Variants in TDRD5 observed in about 807,000 individuals in gnomAD.
TDRD5 encodes tudor domain containing 5.
In TDRD5, 41 loss-of-function variants were observed where a neutral mutation model predicts 120.6. The ratio of observed to expected loss-of-function variants is 0.34; its 90% CI spans 0.26 to 0.44. The LOEUF is 0.44. Ranked by LOEUF, TDRD5 falls within the 20% of genes least tolerant of loss-of-function variation. TDRD5 has a pLI of 1.00. For missense variants in TDRD5, 1,006 were observed against 1,221.2 expected, an observed-to-expected ratio of 0.82 and a Z score of 2.63; for synonymous variants, 430 against 433.7, an observed-to-expected ratio of 0.99 and a Z score of 0.11.
chr1:179,662,427 C>A, intron 15 of TDRD5, 141 bp downstream of exon 15: 1 of 799,306 alleles, frequency 1.3e-6, no homozygotes, highest in Non-Finnish European at 1.8e-6. Flanking sequence ...ATGGTGAGAC[C>A]CTGTCTCTAC....
At chr1:179,640,334 A>T in intron 10 of TDRD5, 45 bp from the exon 11 acceptor site, 1 of 1,602,488 alleles carries the variant, frequency 6.2e-7, no homozygotes, top group Non-Finnish European at 8.5e-7. Context: ...GTGCATTTAT[A>T]TATAGCAGGA....
At chr1:179,610,006 G>A (rs1205032744) in intron 4 of TDRD5, among the ~76,000 whole-genome samples, 1 of 152,064 alleles carries the variant, frequency 6.6e-6, no homozygotes, top group East Asian at 1.9e-4. Context: ...ACCATATCCT[G>A]AAAGCTCTCC....
At chr1:179,607,898 T>C (rs543305003) in intron 4 of TDRD5, among the ~76,000 whole-genome samples, 34 of 152,176 alleles carry the variant, frequency 2.2e-4, no homozygotes, top group African/African-American at 7.0e-4. Context: ...CTCCAATTCT[T>C]TCTGTTTAAA....
intron 17 of TDRD5, among the ~76,000 whole-genome samples, chr1:179,679,172 AT>A (rs1190774867): frequency 6.6e-6 from 1 of 152,040 alleles, no homozygotes; most frequent in African/African-American, 2.4e-5. Flanking sequence ...AATTATATCG[AT>A]TTTCAAATAT....
chr1:179,672,198 C>T (rs890588017), intron 17 of TDRD5, among the ~76,000 whole-genome samples: 4 of 152,110 alleles, frequency 2.6e-5, no homozygotes, highest in African/African-American at 9.7e-5. Flanking sequence ...ACACTGTTTT[C>T]CATAGTGGTT....
At chr1:179,658,958 T>C (rs1315909210) in intron 14 of TDRD5, among the ~76,000 whole-genome samples, 1 of 152,218 alleles carries the variant, frequency 6.6e-6, no homozygotes, top group Admixed American at 6.5e-5. Flanking sequence ...TGTATTTTCA[T>C]TTTCATTCAG....
chr1:179,671,949 G>GGTGTGTGTGT (rs111855083), intron 17 of TDRD5, among the ~76,000 whole-genome samples: 44 of 141,808 alleles, frequency 3.1e-4, no homozygotes, highest in South Asian at 1.7e-3. Flanking sequence ...AATATTCCAT[G>GGTGTGTGTGT]GTGTGTGTGT....
At chr1:179,649,989 A>C (rs1168919583) in intron 11 of TDRD5, among the ~76,000 whole-genome samples, 1 of 152,142 alleles carries the variant, frequency 6.6e-6, no homozygotes, top group East Asian at 1.9e-4. Context: ...TGTGAAGGAT[A>C]ATTTATTTTC....
chr1:179,682,253 A>G (rs190667378), intron 17 of TDRD5, among the ~76,000 whole-genome samples: 16 of 150,822 alleles, frequency 1.1e-4, no homozygotes, highest in Admixed American at 9.2e-4. Flanking sequence ...TTCTTTTTTT[A>G]TTATTACTAT....
intron 14 of TDRD5, among the ~76,000 whole-genome samples, chr1:179,655,538 T>C (rs563461376): frequency 6.6e-6 from 1 of 151,590 alleles, no homozygotes; most frequent in Non-Finnish European, 1.5e-5. Context: ...TAACCAACAC[T>C]GCAATTGGGA....
intron 7 of TDRD5, among the ~76,000 whole-genome samples, chr1:179,632,947 A>G (rs954589757): frequency 7.2e-5 from 11 of 152,168 alleles, no homozygotes; most frequent in Admixed American, 2.0e-4. Context: ...TACAAAGCCT[A>G]TTTTATACTA....
At position 179,623,711 on chromosome 1, in the gene TDRD5, G is replaced by A. The variant is rs117413167; in HGVS notation, c.972+2620G>A. Among the ~76,000 whole-genome samples the A allele has an allele frequency of 9.8e-3, 1,334 of 135,926 alleles. 47 individuals are homozygous for A. Among genetic ancestry groups the A allele is most frequent in the East Asian group, 0.07 (319 of 4,578 alleles). 89.2% of individuals were successfully genotyped at this position (135,926 alleles called of 152,430 possible). On this transcript the variant is annotated intron_variant, in intron 6 of 17. Coordinates refer to ENST00000444136, the MANE Select transcript of TDRD5 (RefSeq NM_001199085.3). ...TACAGTGGCATGATCTTGGGTTACT[G>A]CAGCCTTGAACTCCTGGGCTCAAGT...
intron 5 of TDRD5, among the ~76,000 whole-genome samples, 184 bp from the exon 6 acceptor site, chr1:179,620,851 T>G (rs1676801833): frequency 1.3e-5 from 2 of 151,956 alleles, no homozygotes; most frequent in Non-Finnish European, 1.5e-5. Context: ...GAAATCACAG[T>G]CTCTTTTTGT....
At chr1:179,593,224 CA>C (rs1675212244) in intron 2 of TDRD5, among the ~76,000 whole-genome samples, 1 of 152,162 alleles carries the variant, frequency 6.6e-6, no homozygotes, top group Non-Finnish European at 1.5e-5. Flanking sequence ...AAAAATCTGT[CA>C]GGGGTCAATT....
rs193273041 is a variant in TDRD5 at position 179,596,166 on chromosome 1, G to A, written c.831+348G>A. Among the ~76,000 whole-genome samples the A allele has an allele frequency of 5.9e-5, 9 of 152,186 alleles. No individual in the cohort carries two copies. The East Asian group carries it at 1.5e-3, about 26-fold the overall frequency. On this transcript the variant is annotated intron_variant, in intron 4 of 17. Coordinates refer to ENST00000444136, the MANE Select transcript of TDRD5 (RefSeq NM_001199085.3). ...GCTGTCCCTGAGCATAATAATCCTG[G>A]TATTTTTCTGTGACTGTAATGCTGA...
At chr1:179,639,793 A>C (rs1677945161) in intron 9 of TDRD5, 46 bp from the exon 10 acceptor site, 2 of 1,572,396 alleles carry the variant, frequency 1.3e-6, no homozygotes, top group Admixed American at 1.9e-5. Context: ...ATTATCTTTA[A>C]TTTTTTCTTC....
chr1:179,684,920 G>A (rs182785107), intron 17 of TDRD5, among the ~76,000 whole-genome samples: 1 of 152,250 alleles, frequency 6.6e-6, no homozygotes, highest in East Asian at 1.9e-4. Flanking sequence ...ATTTATTTAA[G>A]TTCTTTGTAG....
At chr1:179,671,965 T>A (rs1469153503) in intron 17 of TDRD5, among the ~76,000 whole-genome samples, 4 of 150,588 alleles carry the variant, frequency 2.7e-5, no homozygotes, top group Non-Finnish European at 3.0e-5. Flanking sequence ...TGTGTGTGTG[T>A]GTGTGTGTGT....
Position 179,652,313 on chromosome 1 carries a change from G to A in TDRD5, c.2160+116G>A, listed in dbSNP as rs1459383061. The A allele has an allele frequency of 2.0e-5, 20 of 1,014,396 alleles. No individual in the cohort carries two copies. The East Asian group carries it at 3.3e-4, about 17-fold the overall frequency. 62.8% of individuals were successfully genotyped at this position (1,014,396 alleles called of 1,614,324 possible). A position where few individuals can be genotyped will look rare whatever the true frequency, so the allele number is the denominator to read the frequency against. Reference sequence around the variant, plus strand: ...GGAAAGTTTGGAAATTTTGCACAGTGATCTTAACAATTTGTCTCTTTATTT... The same window carrying A: ...GGAAAGTTTGGAAATTTTGCACAGTAATCTTAACAATTTGTCTCTTTATTT... On this transcript the variant is annotated intron_variant, in intron 13 of 17. Transcript: ENST00000444136.
Sources: gnomAD v4.1 joint callset for allele counts (sites outside exome capture counted in the v4.1 genomes callset) on GRCh38, gnomAD v4.1.1 for gene constraint, MANE v1.5 for transcripts, NCBI Gene and HGNC (gene_info 2026-07-23, HGNC 2026-07-21) for gene names.